Variants in PLPP4 observed in about 807,000 individuals in gnomAD.
PLPP4 encodes phospholipid phosphatase 4, also known as diacylglycerol pyrophosphate like 2.
In PLPP4, 20 loss-of-function variants were observed where a neutral mutation model predicts 32.2. The ratio of observed to expected loss-of-function variants is 0.62; its 90% CI spans 0.44 to 0.90. The LOEUF (loss-of-function observed/expected upper bound fraction) is 0.90. Among genes scored for constraint, PLPP4 ranks in the 40% least tolerant of loss-of-function variants. The pLI is 0.00. For synonymous variants in PLPP4, 127 were observed against 133.0 expected (o/e 0.95, Z 0.31); for missense variants, 257 against 353.1 (o/e 0.73, Z 2.18).
intron 5 of PLPP4, among the ~76,000 whole-genome samples, chr10:120,522,333 A>G (rs10788098): frequency 0.93 from 141,744 of 152,260 alleles, 66,647 homozygotes; most frequent in Non-Finnish European, 1. Flanking sequence ...GGGCCTGTCA[A>G]CGAGACATTA....
At chr10:120,520,926 G>A in intron 4 of PLPP4, 45 bp from the exon 5 acceptor site, 4 of 1,610,832 alleles carry the variant, frequency 2.5e-6, no homozygotes, top group Non-Finnish European at 2.5e-6. Flanking sequence ...GGTCATTTGT[G>A]ATGGCAGCAT....
At chr10:120,493,404 G>T (rs771589133) in intron 1 of PLPP4, among the ~76,000 whole-genome samples, 8 of 152,186 alleles carry the variant, frequency 5.3e-5, no homozygotes, top group Admixed American at 2.6e-4. Flanking sequence ...TGAGGGCACA[G>T]GAGAAAGGGT....
At chr10:120,579,934 C>T (rs1849406329) in intron 6 of PLPP4, among the ~76,000 whole-genome samples, 2 of 145,012 alleles carry the variant, frequency 1.4e-5, no homozygotes, top group East Asian at 2.0e-4. Context: ...GGTGAAACCC[C>T]GTCTCTACTA....
At chr10:120,527,002 G>A (rs1458355688) in intron 5 of PLPP4, among the ~76,000 whole-genome samples, 1 of 152,124 alleles carries the variant, frequency 6.6e-6, no homozygotes, top group African/African-American at 2.4e-5. Context: ...TGGTGTTCAG[G>A]TGCTCCGAGA....
chr10:120,494,635 G>A lies in PLPP4; in HGVS notation c.57-9183G>A, dbSNP rs144861646. Among the ~76,000 whole-genome samples the A allele has an allele frequency of 2.6e-5, 4 of 152,304 alleles. No homozygotes were observed. In the East Asian group the frequency reaches 7.7e-4, roughly 29 times the overall value. On this transcript the variant is annotated intron_variant, in intron 1 of 6. Transcript: ENST00000398250. Reference sequence around the variant, plus strand: ...CTGTTCCTGGTCCAGTCCTGGGCTGGTCTCTACATGCCAGTCTTCCTTATC... The same window carrying A: ...CTGTTCCTGGTCCAGTCCTGGGCTGATCTCTACATGCCAGTCTTCCTTATC...
intron 5 of PLPP4, among the ~76,000 whole-genome samples, chr10:120,568,283 G>A (rs1014369358): frequency 1.3e-5 from 2 of 152,174 alleles, no homozygotes; most frequent in Admixed American, 6.5e-5. Flanking sequence ...TTCCTGTGCT[G>A]GCTGAGACCC....
chr10:120,521,854 C>T (rs112280897), intron 5 of PLPP4, among the ~76,000 whole-genome samples: 22 of 152,324 alleles, frequency 1.4e-4, no homozygotes, highest in African/African-American at 4.8e-4. Context: ...TTATTTAATC[C>T]ATGCAGTATA....
chr10:120,488,295 T>G (rs1844556134), intron 1 of PLPP4, among the ~76,000 whole-genome samples: 1 of 152,212 alleles, frequency 6.6e-6, no homozygotes, highest in Admixed American at 6.5e-5. Context: ...GGAATGTCAA[T>G]ATGTGCTGAA....
At chr10:120,539,905 T>G (rs546595289) in intron 5 of PLPP4, among the ~76,000 whole-genome samples, 3 of 151,660 alleles carry the variant, frequency 2.0e-5, no homozygotes, top group Non-Finnish European at 4.4e-5. Context: ...CTTTTGTGCC[T>G]ACCTAATAAC....
chr10:120,486,138 C>T (rs916418131), intron 1 of PLPP4, among the ~76,000 whole-genome samples: 1 of 152,190 alleles, frequency 6.6e-6, no homozygotes, highest in East Asian at 1.9e-4. Flanking sequence ...CGGGTTGAGG[C>T]CAGGGCCTGC....
chr10:120,563,446 T>C (rs1039625524), intron 5 of PLPP4, among the ~76,000 whole-genome samples: 1 of 152,154 alleles, frequency 6.6e-6, no homozygotes, highest in African/African-American at 2.4e-5. Context: ...GGAAAATATG[T>C]CCATGAAAAT....
intron 1 of PLPP4, among the ~76,000 whole-genome samples, chr10:120,463,190 C>G (rs1848148053): frequency 6.6e-6 from 1 of 151,898 alleles, no homozygotes; most frequent in South Asian, 2.1e-4. Flanking sequence ...CCACGCCTGG[C>G]TAATTTTTTG....
chr10:120,580,137 A>T (rs1036309235), intron 6 of PLPP4, among the ~76,000 whole-genome samples: 13 of 149,730 alleles, frequency 8.7e-5, no homozygotes, highest in Non-Finnish European at 1.3e-4. Flanking sequence ...AAAAAAAAAA[A>T]AAGGAAAGAA....
chr10:120,530,210 T>C (rs1846637587), intron 5 of PLPP4, among the ~76,000 whole-genome samples: 1 of 152,232 alleles, frequency 6.6e-6, no homozygotes. Context: ...CAAATGGACA[T>C]ACTGTATAAC....
At chr10:120,546,232 G>A (rs985191651) in intron 5 of PLPP4, among the ~76,000 whole-genome samples, 7 of 151,966 alleles carry the variant, frequency 4.6e-5, no homozygotes, top group African/African-American at 7.3e-5. Flanking sequence ...TCATATATAC[G>A]TCTATCCTAT....
intron 5 of PLPP4, among the ~76,000 whole-genome samples, chr10:120,568,198 C>A (rs1445972506): frequency 6.6e-6 from 1 of 152,212 alleles, no homozygotes; most frequent in Non-Finnish European, 1.5e-5. Flanking sequence ...CACAGACTGT[C>A]CCTATTGGTC....
At chr10:120,577,760 C>T (rs2134062023) in intron 6 of PLPP4, among the ~76,000 whole-genome samples, 1 of 152,280 alleles carries the variant, frequency 6.6e-6, no homozygotes, top group East Asian at 1.9e-4. Context: ...TTCAGCTCTG[C>T]CATTATGTGT....
intron 5 of PLPP4, among the ~76,000 whole-genome samples, chr10:120,547,293 G>T (rs181041531): frequency 6.6e-6 from 1 of 151,778 alleles, no homozygotes; most frequent in Non-Finnish European, 1.5e-5. Context: ...GAAATTAGAG[G>T]GCAAATCATA....
chr10:120,558,092 G>A (rs1436449704), intron 5 of PLPP4, among the ~76,000 whole-genome samples: 2 of 151,296 alleles, frequency 1.3e-5, no homozygotes, highest in East Asian at 1.9e-4. Flanking sequence ...TGGTTTAAGA[G>A]GTTGAATTTA....
Sources: allele counts gnomAD v4.1 joint callset (sites outside exome capture counted in the v4.1 genomes callset), GRCh38; gene constraint gnomAD v4.1.1; transcripts MANE v1.5; gene names NCBI Gene and HGNC (gene_info 2026-07-23, HGNC 2026-07-21).